Variants in LDB1 observed in about 807,000 individuals in gnomAD.
The protein encoded by LDB1 is LIM domain-binding protein 1.
In LDB1, 6 loss-of-function variants were observed where a neutral mutation model predicts 49.7. The ratio of observed to expected loss-of-function variants is 0.12; its 90% CI spans 0.07 to 0.24. LDB1 has a LOEUF of 0.24. LDB1 is among the 10% of genes least tolerant of loss of function. The probability of loss-of-function intolerance (pLI) is 1.00; values close to 1 mark genes in which losing one functional copy is unlikely to be tolerated. For synonymous variants in LDB1, 233 were observed against 202.0 expected, an observed-to-expected ratio of 1.15 and a Z score of -1.30; for missense variants, 341 against 561.7, an observed-to-expected ratio of 0.61 and a Z score of 3.97.
chr10:102,114,233 G>C (rs1221929369), intron 1 of LDB1, among the ~76,000 whole-genome samples: 1 of 152,176 alleles, frequency 6.6e-6, no homozygotes. Flanking sequence ...ATGGTAACCA[G>C]GCTGACTCGA....
intron 6 of LDB1, chr10:102,110,255 C>T (rs2068232436): frequency 1.9e-5 from 12 of 632,570 alleles, no homozygotes. Context: ...TTAACAGATC[C>T]TTGTCCTCTC....
chr10:102,121,186 G>GTTT (rs2068415562), upstream of LDB1, among the ~76,000 whole-genome samples: 1 of 152,052 alleles, frequency 6.6e-6, no homozygotes, highest in Non-Finnish European at 1.5e-5. Context: ...ATTACGGAGG[G>GTTT]GCGATAGGAG....
chr10:102,108,184 G>A lies in LDB1; in HGVS notation c.1145C>T (p.Pro382Leu). 6.2e-7 allele frequency: 1 copy of A among 1,614,114 alleles called. No homozygotes were observed. The highest frequency in any genetic ancestry group is 8.5e-7 in the Non-Finnish European group (1 of 1,179,996). Residue 382 changes from proline (P) to leucine (L), a missense_variant, in exon 11 of 11, where the codon CCT becomes CTT. Physicochemically the swap from Pro to Leu is moderately conservative, Grantham distance 98. Coordinates refer to ENST00000673968, the MANE Select transcript of LDB1 (RefSeq NM_001113407.3). ...CCAGGGGCTGTTGGCGCCCAGTGCA[G>A]GGGAGTTGTTAAAGCTGTCCTCGTC... The part of the protein sequence containing the change: ...IDDEDSFNNS[P>L]ALGANSPWNS...
chr10:102,116,347 A>G (rs986658227), intron 1 of LDB1, among the ~76,000 whole-genome samples: 4 of 152,066 alleles, frequency 2.6e-5, no homozygotes, highest in Non-Finnish European at 5.9e-5. Context: ...ACACCCAGCT[A>G]ATTTTTGTAT....
chr10:102,105,786 A>G (rs2068152832), downstream of LDB1, among the ~76,000 whole-genome samples: 2 of 149,848 alleles, frequency 1.3e-5, no homozygotes, highest in Non-Finnish European at 1.5e-5. Context: ...ACATGGTGAA[A>G]CCCTATCTCT....
chr10:102,104,511 GTC>G (rs1381675373), downstream of LDB1, among the ~76,000 whole-genome samples: 1 of 152,150 alleles, frequency 6.6e-6, no homozygotes, highest in Non-Finnish European at 1.5e-5. Context: ...GTTTTGGAGG[GTC>G]TCTCTCTTCC....
chr10:102,118,261 A>G (rs1468079056), intron 1 of LDB1, among the ~76,000 whole-genome samples: 1 of 152,056 alleles, frequency 6.6e-6, no homozygotes, highest in African/African-American at 2.4e-5. Flanking sequence ...CTTGAAGTCT[A>G]ACCTCCATCC....
Position 102,117,658 on chromosome 10 carries a change from G to A in LDB1, c.25+2428C>T, listed in dbSNP as rs1049399244. On this transcript the variant is annotated intron_variant, in intron 1 of 10. Coordinates refer to ENST00000673968, the MANE Select transcript of LDB1 (RefSeq NM_001113407.3). This position sits in a 1 kb window ranked among gnomAD's most constrained non-coding sequence, Gnocchi z 4.2. ...CATCCTCCTCTCCTGGCTCCCAGCCGCCACCACTGCTGCCTCCTCCCCTCC... is the reference window on the plus strand; with the variant it reads ...CATCCTCCTCTCCTGGCTCCCAGCCACCACCACTGCTGCCTCCTCCCCTCC... 1.3e-5 allele frequency among the ~76,000 whole-genome samples: 2 copies of A among 151,950 alleles called. No individual in the cohort carries two copies. Among genetic ancestry groups the A allele is most frequent in the African/African-American group, 4.8e-5 (2 of 41,350 alleles).
rs2068191507 is a variant in LDB1, at chr10:102,108,016, C to T, written c.*77G>A. ...GCCCATTTTAGATGCTCAGTCTCTT[C>T]ATTCTGTCTTCTGCTCCCTGGGGCT... On this transcript the variant is annotated 3_prime_UTR_variant, in exon 11 of 11. Transcript: ENST00000673968. 1 of 1,148,378 alleles carries T rather than the reference C, an allele frequency of 8.7e-7. No individual in the cohort carries two copies. The highest frequency in any genetic ancestry group is 1.3e-6 in the Non-Finnish European group (1 of 771,794). The allele number at this position is 1,148,378 out of a possible 1,614,324, so 71.1% of individuals were successfully genotyped here. A position where few individuals can be genotyped will look rare whatever the true frequency, so the allele number is the denominator to read the frequency against.
At position 102,107,543 on chromosome 10, in the gene LDB1, G is replaced by C. The variant is rs763098128; in HGVS notation, c.*550C>G. ...AGCTGGACTTTTAATAGGGGGAAGA[G>C]GGGGGGACATGAGTGATTTTTTTTT... On this transcript the variant is annotated 3_prime_UTR_variant, in exon 11 of 11. Coordinates refer to ENST00000673968, the MANE Select transcript of LDB1 (RefSeq NM_001113407.3). 2 of 153,686 alleles carry C rather than the reference G, an allele frequency of 1.3e-5. No homozygotes were observed. The highest frequency in any genetic ancestry group is 2.9e-5 in the Non-Finnish European group (2 of 69,070). The allele number at this position is 153,686 out of a possible 1,614,324, so 9.5% of individuals were successfully genotyped here.
Position 102,108,075 on chromosome 10 carries a change from T to G in LDB1, c.*18A>C. ...TGGGGCAGGTAGGCAGAGCACTGGG[T>G]GGCCACAGCAGGGCCTTTTACTGGG... is the stretch of plus-strand genomic sequence containing the variant. On this transcript the variant is annotated 3_prime_UTR_variant, in exon 11 of 11. Coordinates refer to ENST00000673968, the MANE Select transcript of LDB1 (RefSeq NM_001113407.3). 6.3e-7 allele frequency: 1 copy of G among 1,587,374 alleles called. No homozygotes were observed. The highest frequency in any genetic ancestry group is 8.6e-7 in the Non-Finnish European group (1 of 1,156,324).
chr10:102,105,602 G>T (rs1246664069), downstream of LDB1, among the ~76,000 whole-genome samples: 2 of 151,982 alleles, frequency 1.3e-5, no homozygotes, highest in East Asian at 3.9e-4. Context: ...AGTCTGGAGA[G>T]TAGCAATCCT....
chr10:102,115,380 T>C (rs1235648157), intron 1 of LDB1, among the ~76,000 whole-genome samples: 1 of 152,120 alleles, frequency 6.6e-6, no homozygotes, highest in Non-Finnish European at 1.5e-5. Context: ...CTGTGATCGC[T>C]CAGGTTGAAG....
chr10:102,110,190 G>C, intron 6 of LDB1, 147 bp from the exon 7 acceptor site: 2 of 874,430 alleles, frequency 2.3e-6, no homozygotes, highest in Non-Finnish European at 3.5e-6. Flanking sequence ...AAATGTCACA[G>C]TACCCCCCAC....
At chr10:102,115,717 C>T (rs1362045356) in intron 1 of LDB1, among the ~76,000 whole-genome samples, 1 of 152,120 alleles carries the variant, frequency 6.6e-6, no homozygotes, top group Non-Finnish European at 1.5e-5. Context: ...GCTGAATCCT[C>T]CCCACCACCC....
chr10:102,117,993 C>A lies in LDB1; in HGVS notation c.25+2093G>T, dbSNP rs2068355794. ...GGGAGGAGGAGGAGCCCGGAGACAG[C>A]AGAACACAAAGGAGAGACTCAGACA... is the stretch of plus-strand genomic sequence containing the variant. On this transcript the variant is annotated intron_variant, in intron 1 of 10. Transcript: ENST00000673968. This position sits in a 1 kb window ranked among gnomAD's most constrained non-coding sequence, Gnocchi z 4.2. Among the ~76,000 whole-genome samples the A allele has an allele frequency of 1.3e-5, 2 of 152,118 alleles. No homozygotes were observed. The highest frequency in any genetic ancestry group is 4.2e-4 in the South Asian group (2 of 4,812).
At position 102,109,293 on chromosome 10, in the gene LDB1, G is replaced by A; in HGVS notation, c.856+91C>T. On this transcript the variant is annotated intron_variant, in intron 9 of 10. Coordinates refer to ENST00000673968, the MANE Select transcript of LDB1 (RefSeq NM_001113407.3). This position sits in a 1 kb window ranked among gnomAD's most constrained non-coding sequence, Gnocchi z 5.8. ...CCCAATTTTGTAGACCCGGGAACAA[G>A]GAAGGGGTGGGGAAAACTTCAAAAG... 2 of 1,604,130 alleles carry A rather than the reference G, an allele frequency of 1.2e-6. No homozygotes were observed. The highest frequency in any genetic ancestry group is 1.7e-6 in the Non-Finnish European group (2 of 1,174,508).
Position 102,109,913 on chromosome 10 carries a change from C to G in LDB1, c.648+8G>C. 1 of 1,607,242 alleles carries G rather than the reference C, an allele frequency of 6.2e-7. No individual in the cohort carries two copies. On this transcript the variant is annotated splice_region_variant and intron_variant, in intron 7 of 10. Coordinates refer to ENST00000673968, the MANE Select transcript of LDB1 (RefSeq NM_001113407.3). This position sits in a 1 kb window ranked among gnomAD's most constrained non-coding sequence, Gnocchi z 5.8. ...ACTCTTGCATCCTGGGTCCTGCCCACGACTCACATGCATGGCAAGGATGCT... is the reference window on the plus strand; with the variant it reads ...ACTCTTGCATCCTGGGTCCTGCCCAGGACTCACATGCATGGCAAGGATGCT...
intron 1 of LDB1, chr10:102,114,824 TC>T: frequency 1.8e-5 from 2 of 110,760 alleles, no homozygotes; most frequent in Non-Finnish European, 2.3e-5. Flanking sequence ...CCGCCCGCCC[TC>T]CCCAGGCCAC....
Sources: gnomAD v4.1 joint callset for allele counts (sites outside exome capture counted in the v4.1 genomes callset) on GRCh38, gnomAD v4.1.1 for gene constraint, Gnocchi (gnomAD v3.1) non-coding constraint, MANE v1.5 for transcripts, NCBI Gene and HGNC (gene_info 2026-07-23, HGNC 2026-07-21) for gene names.